The following MTAP variants were observed in gnomAD, a reference collection of about 807,000 sequenced individuals.
MTAP encodes methylthioadenosine phosphorylase, also known as S-methyl-5'-thioadenosine phosphorylase.
MTAP carries 33 observed loss-of-function variants against 33.6 expected under a neutral mutation model. The observed-to-expected ratio is 0.98, with a 90% CI of 0.74 to 1.31. The LOEUF (loss-of-function observed/expected upper bound fraction) is 1.31, where lower values mean the gene tolerates loss of function less well. MTAP is among the 40% of genes most tolerant of loss of function. MTAP has a pLI of 0.00. For missense variants in MTAP, 367 were observed against 360.0 expected (o/e 1.02, Z -0.16); for synonymous variants, 148 against 125.7 (o/e 1.18, Z -1.19).
intron 4 of MTAP, among the ~76,000 whole-genome samples, chr9:21,821,000 G>A (rs964522401): frequency 2.0e-5 from 3 of 152,192 alleles, no homozygotes; most frequent in Non-Finnish European, 4.4e-5. Context: ...TGCTGAAGTT[G>A]CTTTTCATCT....
At chr9:21,809,092 C>G (rs772994623) in intron 1 of MTAP, 1 of 152,256 alleles carries the variant, frequency 6.6e-6, no homozygotes, top group Non-Finnish European at 1.5e-5. Context: ...GGCCCATGGC[C>G]CCACATCATG....
rs4345650 is a variant in MTAP, at chr9:21,817,778, T to C, written c.180-257T>C. 0.95 allele frequency among the ~76,000 whole-genome samples: 144,654 copies of C among 152,156 alleles called. 68,823 individuals are homozygous for C. The highest frequency in any genetic ancestry group is 1 in the East Asian group (5,103 of 5,106). On this transcript the variant is annotated intron_variant, in intron 3 of 7. Coordinates refer to ENST00000644715, the MANE Select transcript of MTAP (RefSeq NM_002451.4). ...TGAATGCAAGTCCCAGGTTCACTGATCCTTTATACAGAGCATGACAGTGGG... is the reference window on the plus strand; with the variant it reads ...TGAATGCAAGTCCCAGGTTCACTGACCCTTTATACAGAGCATGACAGTGGG...
chr9:21,916,065 AG>A, intron 1 of MTAP, among the ~76,000 whole-genome samples: 2 of 111,210 alleles, frequency 1.8e-5, no homozygotes, highest in Non-Finnish European at 3.6e-5. Context: ...GGAGGGAGGG[AG>A]GGAGGGAGGA....
Position 21,865,256 on chromosome 9 carries a change from C to G in MTAP, c.*3242C>G, listed in dbSNP as rs761110703. 2.0e-5 allele frequency: 9 copies of G among 448,714 alleles called. No homozygotes were observed. The highest frequency in any genetic ancestry group is 2.6e-5 in the Non-Finnish European group (9 of 339,724). The allele number at this position is 448,714 out of a possible 1,614,324, so 27.8% of individuals were successfully genotyped here. A position where few individuals can be genotyped will look rare whatever the true frequency, so the allele number is the denominator to read the frequency against. ...TTTGTTTTATAAGGGGCTTTTCCCCCTTTTGCTCAACACTTCTTCCTGCCA... is the reference window on the plus strand; with the variant it reads ...TTTGTTTTATAAGGGGCTTTTCCCCGTTTTGCTCAACACTTCTTCCTGCCA... On this transcript the variant is annotated 3_prime_UTR_variant, in exon 8 of 8. Transcript: ENST00000644715.
At chr9:21,828,864 C>T (rs906045978) in intron 4 of MTAP, among the ~76,000 whole-genome samples, 9 of 152,180 alleles carry the variant, frequency 5.9e-5, no homozygotes, top group African/African-American at 1.7e-4. Flanking sequence ...AGGTGGCTAA[C>T]ATCATATTGC....
intron 1 of MTAP, among the ~76,000 whole-genome samples, chr9:21,916,381 G>A (rs1028059650): frequency 1.3e-5 from 2 of 151,914 alleles, no homozygotes; most frequent in Admixed American, 6.6e-5. Flanking sequence ...AGGCCGAGAC[G>A]GGTGGATCAC....
intron 4 of MTAP, among the ~76,000 whole-genome samples, chr9:21,833,813 C>T (rs942348821): frequency 1.3e-5 from 2 of 152,122 alleles, no homozygotes; most frequent in Non-Finnish European, 2.9e-5. Context: ...TCAAAGGAAA[C>T]GTATTAACTA....
At position 21,820,198 on chromosome 9, in the gene MTAP, T is replaced by C. The variant is rs553336875; in HGVS notation, c.347+1996T>C. Among the ~76,000 whole-genome samples, 3 of 152,380 alleles carry C rather than the reference T, an allele frequency of 2.0e-5. No individual in the cohort carries two copies. In the South Asian group the frequency reaches 6.2e-4, roughly 32 times the overall value. ...TTTGTTGCCATTGCTTTTGGTGTTT[T>C]AGTCATGAAGTCCTTCCCCATGCCT... On this transcript the variant is annotated intron_variant, in intron 4 of 7. Transcript: ENST00000644715.
chr9:21,924,116 T>A (rs1044649759), intron 1 of MTAP, among the ~76,000 whole-genome samples: 8 of 152,222 alleles, frequency 5.3e-5, no homozygotes, highest in African/African-American at 1.9e-4. Flanking sequence ...TGTGATGAGA[T>A]GGGACACAGG....
downstream of MTAP, among the ~76,000 whole-genome samples, chr9:21,868,044 G>T (rs909112818): frequency 9.9e-5 from 15 of 152,136 alleles, no homozygotes; most frequent in Non-Finnish European, 1.9e-4. Context: ...TGTATAGATA[G>T]GATGTTTATA....
At chr9:21,821,038 G>A (rs1416038469) in intron 4 of MTAP, among the ~76,000 whole-genome samples, 1 of 152,130 alleles carries the variant, frequency 6.6e-6, no homozygotes, top group Non-Finnish European at 1.5e-5. Flanking sequence ...GAGACGATGG[G>A]GTTTTCTAAA....
intron 4 of MTAP, among the ~76,000 whole-genome samples, chr9:21,825,076 T>C (rs7852450): frequency 0.63 from 95,109 of 151,920 alleles, 30,926 homozygotes; most frequent in African/African-American, 0.81. Context: ...CACCCTGCTT[T>C]GGCTCACACT....
chr9:21,854,562 G>T (rs34792344), intron 5 of MTAP, 69 bp from the exon 6 acceptor site: 4 of 1,462,186 alleles, frequency 2.7e-6, no homozygotes, highest in African/African-American at 1.4e-5. Flanking sequence ...GGTAAACATT[G>T]GGGGGAAGTG....
At chr9:21,884,399 G>A (rs1818073023) in intron 1 of MTAP, among the ~76,000 whole-genome samples, 2 of 152,138 alleles carry the variant, frequency 1.3e-5, no homozygotes, top group Admixed American at 1.3e-4. Flanking sequence ...TAGAGCTTGT[G>A]CAACAATATG....
intron 1 of MTAP, chr9:21,929,677 T>C: frequency 4.0e-6 from 1 of 247,492 alleles, no homozygotes; most frequent in Non-Finnish European, 8.5e-6. Flanking sequence ...GTTACGTATT[T>C]CCTCTCAACA....
chr9:21,805,802 T>C (rs1283355973), intron 1 of MTAP, among the ~76,000 whole-genome samples: 1 of 152,240 alleles, frequency 6.6e-6, no homozygotes, highest in African/African-American at 2.4e-5. Context: ...CTATGAGAAA[T>C]TTCTGCTGTT....
rs953354667 is a variant in MTAP, at chr9:21,866,540, C to G, written c.*4526C>G. On this transcript the variant is annotated 3_prime_UTR_variant, in exon 8 of 8. Coordinates refer to ENST00000644715, the MANE Select transcript of MTAP (RefSeq NM_002451.4). ...CTACTCATTTAATTACCTGTGTGCCCTTGTCAAAATTTACTGTTTATCTGT... is the reference window on the plus strand; with the variant it reads ...CTACTCATTTAATTACCTGTGTGCCGTTGTCAAAATTTACTGTTTATCTGT... 4 of 151,920 alleles carry G rather than the reference C, an allele frequency of 2.6e-5. No individual in the cohort carries two copies. The highest frequency in any genetic ancestry group is 1.9e-4 in the East Asian group (1 of 5,188). 9.4% of individuals were successfully genotyped at this position (151,920 alleles called of 1,614,324 possible).
At position 21,864,392 on chromosome 9, in the gene MTAP, A is replaced by G. The variant is rs531289707; in HGVS notation, c.*2378A>G. 8 of 985,108 alleles carry G rather than the reference A, an allele frequency of 8.1e-6. No individual in the cohort carries two copies. The highest frequency in any genetic ancestry group is 2.3e-4 in the East Asian group (2 of 8,798). 61.0% of individuals were successfully genotyped at this position (985,108 alleles called of 1,614,324 possible). A position where few individuals can be genotyped will look rare whatever the true frequency, so the allele number is the denominator to read the frequency against. On this transcript the variant is annotated 3_prime_UTR_variant, in exon 8 of 8. Coordinates refer to ENST00000644715, the MANE Select transcript of MTAP (RefSeq NM_002451.4). ...TAAGCTAGTATACTAAGTGAACACC[A>G]TGGTCAGTTGTGAGCATTTTGGTTT...
At position 21,863,059 on chromosome 9, in the gene MTAP, T is replaced by C. The variant is rs889420004; in HGVS notation, c.*1045T>C. ...TTTATTCTGCTAAAGAAGAGGATCA[T>C]TGATTTCTGTACAGTCAGAACAGTA... On this transcript the variant is annotated 3_prime_UTR_variant, in exon 8 of 8. Coordinates refer to ENST00000644715, the MANE Select transcript of MTAP (RefSeq NM_002451.4). 10 of 985,424 alleles carry C rather than the reference T, an allele frequency of 1.0e-5. No individual in the cohort carries two copies. The highest frequency in any genetic ancestry group is 1.2e-5 in the Non-Finnish European group (10 of 829,910). The allele number at this position is 985,424 out of a possible 1,614,324, so 61.0% of individuals were successfully genotyped here.
Sources: allele counts gnomAD v4.1 joint callset (sites outside exome capture counted in the v4.1 genomes callset), GRCh38; gene constraint gnomAD v4.1.1; transcripts MANE v1.5; gene names NCBI Gene and HGNC (gene_info 2026-07-23, HGNC 2026-07-21).